The following TET3 variants were observed in gnomAD, a reference collection of about 807,000 sequenced individuals.
The protein encoded by TET3 is methylcytosine dioxygenase TET3.
A neutral mutation model predicts 141.4 loss-of-function variants in TET3; 19 were observed. That is an observed-to-expected ratio of 0.13 (90% CI 0.09 to 0.20). The LOEUF (loss-of-function observed/expected upper bound fraction) is 0.20. TET3 is among the 10% of genes least tolerant of loss of function. The pLI is 1.00. For missense variants in TET3, 1,874 were observed against 2,356.9 expected, an observed-to-expected ratio of 0.80 and a Z score of 4.24; for synonymous variants, 1,043 against 980.9, an observed-to-expected ratio of 1.06 and a Z score of -1.18.
chr2:74,037,652 G>C (rs1573755439), intron 3 of TET3, among the ~76,000 whole-genome samples: 1 of 152,318 alleles, frequency 6.6e-6, no homozygotes, highest in East Asian at 1.9e-4. Context: ...GTTCATTCTG[G>C]CCAAAAACAC....
At chr2:73,984,826 G>A (rs1331471309), upstream of TET3, among the ~76,000 whole-genome samples, 2 of 147,762 alleles carry the variant, frequency 1.4e-5, no homozygotes, top group Non-Finnish European at 1.5e-5. This position sits in a 1 kb window ranked among gnomAD's most constrained non-coding sequence, Gnocchi z 5.6. Flanking sequence ...CCGGGCCGGC[G>A]GGGCTCGGCG....
intron 4 of TET3, among the ~76,000 whole-genome samples, chr2:74,062,825 G>GA (rs1184986191): frequency 2.0e-5 from 3 of 148,640 alleles, no homozygotes; most frequent in Non-Finnish European, 4.5e-5. Flanking sequence ...TTCACTGTGA[G>GA]AAAAAAGAGA....
chr2:74,024,383 G>A (rs937357418), intron 3 of TET3, among the ~76,000 whole-genome samples: 1 of 152,202 alleles, frequency 6.6e-6, no homozygotes, highest in African/African-American at 2.4e-5. Context: ...GGAGGGAAGG[G>A]GTCTTGGGAG....
At position 74,046,715 on chromosome 2, in the gene TET3, T is replaced by C. The variant is rs755528031; in HGVS notation, c.798T>C (p.Gly266=). The change falls in exon 4 of 12, where the codon GGT becomes GGC. Residue 266 remains glycine, a synonymous_variant. Transcript: ENST00000409262. This position sits in a 1 kb window ranked among gnomAD's most constrained non-coding sequence, Gnocchi z 4.3. ...LQTALALARH[G]MKPPNCNCDG... is the part of the protein sequence containing the mutation. ...CGGCCCTGGCCCTCGCGCGGCATGGTATGAAACCACCCAACTGCAACTGCG... is the reference window on the plus strand; with the variant it reads ...CGGCCCTGGCCCTCGCGCGGCATGGCATGAAACCACCCAACTGCAACTGCG... 2 of 1,613,774 alleles carry C rather than the reference T, an allele frequency of 1.2e-6. No homozygotes were observed. The highest frequency in any genetic ancestry group is 4.5e-5 in the East Asian group (2 of 44,884).
At chr2:74,052,738 C>T (rs546679051) in intron 4 of TET3, among the ~76,000 whole-genome samples, 1 of 151,964 alleles carries the variant, frequency 6.6e-6, no homozygotes, top group South Asian at 2.1e-4. Flanking sequence ...GGCATGGTGG[C>T]GGGTGCCTGT....
chr2:74,085,445 C>G (rs1365335406), intron 6 of TET3, among the ~76,000 whole-genome samples: 1 of 152,220 alleles, frequency 6.6e-6, no homozygotes, highest in East Asian at 1.9e-4. Flanking sequence ...CCACTCGTGA[C>G]CAGGTCTGTC....
chr2:73,990,254 C>G (rs1162814231), intron 2 of TET3, among the ~76,000 whole-genome samples: 2 of 151,706 alleles, frequency 1.3e-5, no homozygotes, highest in African/African-American at 4.8e-5. Context: ...TGGCATGTGC[C>G]TGTAGTCCTA....
chr2:74,019,322 G>C (rs1456993168), intron 3 of TET3, among the ~76,000 whole-genome samples: 1 of 152,236 alleles, frequency 6.6e-6, no homozygotes, highest in African/African-American at 2.4e-5. Context: ...CATTTCTTGT[G>C]AAGTTTCTTC....
chr2:74,073,775 GT>G, intron 5 of TET3, 136 bp downstream of exon 5: 1 of 645,708 alleles, frequency 1.5e-6, no homozygotes, highest in Middle Eastern at 3.7e-4. Context: ...CTTAGGGAAG[GT>G]TTACTGTGGG....
rs375403478 is a variant in TET3 at position 74,047,089 on chromosome 2, C to G, written c.1172C>G (p.Pro391Arg). ...SCPLPEALSP[P>R]APFRSPQSYL... ...CCCCTTCCTGAGGCCTTGTCACCTCCTGCCCCTTTCAGATCTCCCCAGTCT... is the reference window on the plus strand; with the variant it reads ...CCCCTTCCTGAGGCCTTGTCACCTCGTGCCCCTTTCAGATCTCCCCAGTCT... The change falls in exon 4 of 12, where the codon CCT becomes CGT. Residue 391 changes from proline (P) to arginine (R), a missense_variant. Pro to Arg is a moderately radical substitution (Grantham distance 103). Around this residue, in one of 10 missense-constraint regions of TET3, gnomAD observed 484 missense variants for 462.2 expected, o/e 1.05. Coordinates refer to ENST00000409262, the MANE Select transcript of TET3 (RefSeq NM_001287491.2). 14 of 1,614,010 alleles carry G rather than the reference C, an allele frequency of 8.7e-6. No individual in the cohort carries two copies. Among genetic ancestry groups the G allele is most frequent in the Non-Finnish European group, 1.1e-5 (13 of 1,179,866 alleles).
the TET3 span, among the ~76,000 whole-genome samples, chr2:74,116,956 G>A: frequency 6.6e-6 from 1 of 152,046 alleles, no homozygotes; most frequent in African/African-American, 2.4e-5. Flanking sequence ...GAGAAGCCAG[G>A]AGGGAGGTGA....
chr2:74,031,904 A>G (rs556383714), intron 3 of TET3, among the ~76,000 whole-genome samples: 40 of 152,264 alleles, frequency 2.6e-4, no homozygotes, highest in African/African-American at 9.4e-4. Flanking sequence ...GAACCTTGGT[A>G]CCTGGGAGGC....
chr2:74,111,211 C>G (rs1313994189), downstream of TET3, among the ~76,000 whole-genome samples: 1 of 152,170 alleles, frequency 6.6e-6, no homozygotes, highest in Non-Finnish European at 1.5e-5. Flanking sequence ...AAAGAATCGA[C>G]TCAGTCTTCT....
intron 3 of TET3, among the ~76,000 whole-genome samples, chr2:74,019,770 C>T (rs1685931838): frequency 6.6e-6 from 1 of 152,124 alleles, no homozygotes; most frequent in South Asian, 2.1e-4. Context: ...CCTCCTTGTC[C>T]CCGCAGGAAA....
chr2:74,099,761 G>A, intron 11 of TET3, 149 bp downstream of exon 11: 1 of 842,442 alleles, frequency 1.2e-6, no homozygotes, highest in Non-Finnish European at 1.8e-6. Flanking sequence ...GCCACAGCCA[G>A]CCTGATAGGA....
In TET3 at chr2:74,087,469, T is replaced by A. The variant is rs1325715886; in HGVS notation, c.2680-361T>A. ...TAGGCAGCATTTTCTCTGCAAATGT[T>A]TTAGGATAACATAAAAATCTGACTG... is the stretch of plus-strand genomic sequence containing the variant. On this transcript the variant is annotated intron_variant, in intron 6 of 11. Transcript: ENST00000409262. This position sits in a 1 kb window ranked among gnomAD's most constrained non-coding sequence, Gnocchi z 4.3. Among the ~76,000 whole-genome samples the A allele has an allele frequency of 3.9e-5, 6 of 152,248 alleles. No individual in the cohort carries two copies. The highest frequency in any genetic ancestry group is 3.9e-4 in the Admixed American group (6 of 15,286).
intron 3 of TET3, among the ~76,000 whole-genome samples, chr2:74,013,717 CAGG>C (rs1036561935): frequency 1.3e-5 from 2 of 151,984 alleles, no homozygotes; most frequent in Non-Finnish European, 2.9e-5. Context: ...GAGGCTGAGG[CAGG>C]AGAATGGTGT....
At chr2:74,061,794 T>C (rs13423734) in intron 4 of TET3, among the ~76,000 whole-genome samples, 1,114 of 73,818 alleles carry the variant, frequency 0.015, 86 homozygotes, top group Admixed American at 0.12. Flanking sequence ...CGCGGCCGGG[T>C]AGAGGCGCTC....
At chr2:74,065,907 C>T (rs542846516) in intron 4 of TET3, among the ~76,000 whole-genome samples, 2 of 151,900 alleles carry the variant, frequency 1.3e-5, no homozygotes, top group Non-Finnish European at 2.9e-5. Flanking sequence ...TACAGGCACC[C>T]GCCACCATGC....
Sources: allele counts gnomAD v4.1 joint callset (sites outside exome capture counted in the v4.1 genomes callset), GRCh38; gene constraint gnomAD v4.1.1; regional missense constraint gnomAD v4.1.1; non-coding constraint Gnocchi (gnomAD v3.1); transcripts MANE v1.5; gene names NCBI Gene and HGNC (gene_info 2026-07-23, HGNC 2026-07-21).